The following TRDN variants were observed in gnomAD, a reference collection of about 807,000 sequenced individuals.
TRDN encodes triadin.
A neutral mutation model predicts 149.7 loss-of-function variants in TRDN; 161 were observed. The ratio of observed to expected loss-of-function variants is 1.08; its 90% CI spans 0.95 to 1.23. The LOEUF is 1.23. Among genes scored for constraint, TRDN ranks in the 50% most tolerant of loss-of-function variants. The probability of loss-of-function intolerance (pLI) is 0.00; values close to 1 mark genes in which losing one functional copy is unlikely to be tolerated. For synonymous variants in TRDN, 294 were observed against 250.5 expected, an observed-to-expected ratio of 1.17 and a Z score of -1.64; for missense variants, 896 against 823.5, an observed-to-expected ratio of 1.09 and a Z score of -1.08.
intron 1 of TRDN, among the ~76,000 whole-genome samples, chr6:123,614,105 A>C (rs1183855578): frequency 1.3e-5 from 2 of 151,930 alleles, no homozygotes; most frequent in Non-Finnish European, 2.9e-5. Flanking sequence ...TTAGGAATGC[A>C]GGTTCTCAGG....
At chr6:123,237,179 TTTTA>T (rs1775816767) in intron 38 of TRDN, among the ~76,000 whole-genome samples, 2 of 152,186 alleles carry the variant, frequency 1.3e-5, no homozygotes, top group Non-Finnish European at 2.9e-5. Context: ...AACTAATTTT[TTTTA>T]AATTTTGTTT....
intron 39 of TRDN, among the ~76,000 whole-genome samples, chr6:123,223,678 TTC>T (rs1775239005): frequency 8.7e-6 from 1 of 114,564 alleles, no homozygotes; most frequent in African/African-American, 5.0e-5. Flanking sequence ...CATTTCTTCC[TTC>T]CTTCCTTCCT....
chr6:123,407,469 A>G (rs1269746269), intron 12 of TRDN, among the ~76,000 whole-genome samples: 3 of 152,154 alleles, frequency 2.0e-5, no homozygotes, highest in Non-Finnish European at 4.4e-5. Flanking sequence ...TGGGGCCAAC[A>G]TAGTGCTTCA....
chr6:123,296,581 TAA>T (rs991807679), intron 24 of TRDN, among the ~76,000 whole-genome samples: 14 of 148,026 alleles, frequency 9.5e-5, no homozygotes, highest in Non-Finnish European at 1.9e-4. Context: ...AAATATAATA[TAA>T]GACTCTAAGA....
chr6:123,516,682 A>C (rs1416864331), intron 5 of TRDN, among the ~76,000 whole-genome samples: 3 of 152,112 alleles, frequency 2.0e-5, no homozygotes, highest in Non-Finnish European at 4.4e-5. Context: ...TAAAAAATAT[A>C]CTGGAATAAG....
intron 5 of TRDN, among the ~76,000 whole-genome samples, chr6:123,529,676 G>A (rs1426286943): frequency 6.6e-6 from 1 of 151,820 alleles, no homozygotes; most frequent in African/African-American, 2.4e-5. Context: ...AGTAAATACT[G>A]GATAAAATTC....
chr6:123,400,537 C>A (rs73771948), intron 12 of TRDN, among the ~76,000 whole-genome samples: 1 of 151,986 alleles, frequency 6.6e-6, no homozygotes, highest in African/African-American at 2.4e-5. Flanking sequence ...CTAAAGCCCC[C>A]GCTGATCTGA....
chr6:123,581,153 C>G, intron 1 of TRDN, among the ~76,000 whole-genome samples: 1 of 152,040 alleles, frequency 6.6e-6, no homozygotes, highest in Non-Finnish European at 1.5e-5. Flanking sequence ...TTTAAAGTGG[C>G]CAAAAGTTCC....
At chr6:123,316,808 T>C (rs1208611991) in intron 23 of TRDN, among the ~76,000 whole-genome samples, 3 of 151,820 alleles carry the variant, frequency 2.0e-5, no homozygotes, top group African/African-American at 4.8e-5. Context: ...TCTGAAAATA[T>C]TGCAAATTAA....
intron 24 of TRDN, among the ~76,000 whole-genome samples, chr6:123,283,535 T>TCTTATTA (rs1228182751): frequency 2.6e-5 from 4 of 151,554 alleles, no homozygotes; most frequent in African/African-American, 9.7e-5. Context: ...AAAAAGATGG[T>TCTTATTA]TCTTTGAAAA....
intron 9 of TRDN, among the ~76,000 whole-genome samples, chr6:123,493,481 C>A (rs1007863526): frequency 2.0e-5 from 3 of 152,046 alleles, no homozygotes; most frequent in Non-Finnish European, 4.4e-5. Context: ...AAAGGCAAAA[C>A]TTGGGACTTA....
intron 12 of TRDN, among the ~76,000 whole-genome samples, chr6:123,402,609 A>G (rs1431543404): frequency 1.3e-5 from 2 of 152,178 alleles, no homozygotes; most frequent in Non-Finnish European, 2.9e-5. Flanking sequence ...ATTGAGCGCT[A>G]CTGCATTTTT....
intron 10 of TRDN, among the ~76,000 whole-genome samples, chr6:123,459,849 T>C (rs972593920): frequency 1.3e-5 from 2 of 152,212 alleles, no homozygotes; most frequent in African/African-American, 4.8e-5. Flanking sequence ...TGGCTTTCAA[T>C]TCCAGTTATA....
intron 5 of TRDN, among the ~76,000 whole-genome samples, chr6:123,520,875 G>T (rs1433328156): frequency 6.6e-6 from 1 of 152,068 alleles, no homozygotes; most frequent in African/African-American, 2.4e-5. Context: ...GAGAGGGAAA[G>T]AAAATATATT....
intron 20 of TRDN, among the ~76,000 whole-genome samples, chr6:123,364,286 C>T (rs1353666381): frequency 6.6e-6 from 1 of 152,186 alleles, no homozygotes; most frequent in East Asian, 1.9e-4. Flanking sequence ...ACCTTTGCTT[C>T]TTAACTGTGT....
At chr6:123,378,998 C>T (rs1781615731) in intron 16 of TRDN, among the ~76,000 whole-genome samples, 1 of 152,106 alleles carries the variant, frequency 6.6e-6, no homozygotes, top group Non-Finnish European at 1.5e-5. Context: ...CATTTCTATT[C>T]TTATTTATTT....
chr6:123,247,194 A>G (rs765420724), intron 38 of TRDN, among the ~76,000 whole-genome samples: 13 of 152,228 alleles, frequency 8.5e-5, no homozygotes, highest in Non-Finnish European at 5.9e-5. Flanking sequence ...AACTGGCACA[A>G]GACAAGTATG....
At chr6:123,285,436 A>G (rs1032339985) in intron 24 of TRDN, among the ~76,000 whole-genome samples, 1 of 152,118 alleles carries the variant, frequency 6.6e-6, no homozygotes, top group Non-Finnish European at 1.5e-5. Flanking sequence ...TAAAGTGGGG[A>G]AAGGACACCC....
At chr6:123,621,311 T>A (rs1165981090) in intron 1 of TRDN, among the ~76,000 whole-genome samples, 1 of 152,080 alleles carries the variant, frequency 6.6e-6, no homozygotes, top group Non-Finnish European at 1.5e-5. Context: ...AAACAGGACG[T>A]TTCTAGGAGA....
Sources: allele counts gnomAD v4.1 joint callset (sites outside exome capture counted in the v4.1 genomes callset), GRCh38; gene constraint gnomAD v4.1.1; transcripts MANE v1.5; gene names NCBI Gene and HGNC (gene_info 2026-07-23, HGNC 2026-07-21).